Variants in BMPR2 observed in about 807,000 individuals in gnomAD.
BMPR2 encodes bone morphogenetic protein receptor type 2.
A neutral mutation model predicts 100.8 loss-of-function variants in BMPR2; 29 were observed. The observed-to-expected ratio is 0.29, with a 90% CI of 0.21 to 0.39. The LOEUF (loss-of-function observed/expected upper bound fraction) is 0.39. Among genes scored for constraint, BMPR2 ranks in the 10% least tolerant of loss-of-function variants. The probability of loss-of-function intolerance (pLI) is 1.00; values close to 1 mark genes in which losing one functional copy is unlikely to be tolerated. For missense variants in BMPR2, 1,011 were observed against 1,274.5 expected (o/e 0.79, Z 3.15); for synonymous variants, 382 against 442.3 (o/e 0.86, Z 1.71).
chr2:202,544,187 C>CT (rs1688332740), intron 10 of BMPR2, among the ~76,000 whole-genome samples: 2 of 152,024 alleles, frequency 1.3e-5, no homozygotes, highest in African/African-American at 4.8e-5. Context: ...CAAATGATTT[C>CT]TTTTTGGTTT....
rs533387130 is a variant in BMPR2, at chr2:202,498,453, C to T, written c.419-15266C>T. Among the ~76,000 whole-genome samples, 9 of 151,700 alleles carry T rather than the reference C, an allele frequency of 5.9e-5. No individual in the cohort carries two copies. In the East Asian group the frequency reaches 7.8e-4, roughly 13 times the overall value. On this transcript the variant is annotated intron_variant, in intron 3 of 12. Transcript: ENST00000374580. ...TTGTTTCTGCTGCTGCATTGGTGAG[C>T]GCAACTATTCCGATCAGCAGGGTCC... is the stretch of plus-strand genomic sequence containing the variant.
chr2:202,433,007 T>C (rs964286399), intron 1 of BMPR2, among the ~76,000 whole-genome samples: 3 of 150,476 alleles, frequency 2.0e-5, no homozygotes, highest in African/African-American at 7.5e-5. Flanking sequence ...TATTTAAGAG[T>C]GTTGCCTTGC....
intron 3 of BMPR2, among the ~76,000 whole-genome samples, chr2:202,498,026 C>G (rs1693079682): frequency 6.6e-6 from 1 of 151,952 alleles, no homozygotes; most frequent in African/African-American, 2.4e-5. Flanking sequence ...CCTTCCTATT[C>G]ATATAAGTGA....
intron 9 of BMPR2, among the ~76,000 whole-genome samples, chr2:202,538,175 C>T (rs936334801): frequency 6.6e-6 from 1 of 151,720 alleles, no homozygotes; most frequent in Admixed American, 6.6e-5. Context: ...AGAGGTTGGC[C>T]GGGCACGGTG....
At chr2:202,386,116 G>A (rs1339484209) in intron 1 of BMPR2, among the ~76,000 whole-genome samples, 1 of 151,968 alleles carries the variant, frequency 6.6e-6, no homozygotes, top group African/African-American at 2.4e-5. Context: ...TGTGTTTCAG[G>A]ATTCAGTCTT....
In BMPR2 at chr2:202,549,980, G is replaced by A. The variant is rs143522608; in HGVS notation, c.1414-2736G>A. On this transcript the variant is annotated intron_variant, in intron 10 of 12. Coordinates refer to ENST00000374580, the MANE Select transcript of BMPR2 (RefSeq NM_001204.7). ...GAGTACAGTGCTGCCATCATAGCTC[G>A]CTACAGCCTTGACCTCCCAGGCTAA... Among the ~76,000 whole-genome samples, 24 of 152,070 alleles carry A rather than the reference G, an allele frequency of 1.6e-4. No individual in the cohort carries two copies. In the East Asian group the frequency reaches 3.9e-3, roughly 25 times the overall value.
In BMPR2 at chr2:202,517,712, A is replaced by G. The variant is rs147438131; in HGVS notation, c.622-1110A>G. Among the ~76,000 whole-genome samples, 110 of 151,598 alleles carry G rather than the reference A, an allele frequency of 7.3e-4. 2 individuals carry two copies. Among genetic ancestry groups the G allele is most frequent in the African/African-American group, 2.5e-3 (104 of 41,320 alleles). ...ATTCACTGGGCTTTCCTCTCTCTGA[A>G]TTTCTCCTTTCTAGGGTTCTCCCCT... On this transcript the variant is annotated intron_variant, in intron 5 of 12. Coordinates refer to ENST00000374580, the MANE Select transcript of BMPR2 (RefSeq NM_001204.7).
rs1688750921 is a variant in BMPR2 at position 202,565,840 on chromosome 2, C to T, written c.*5894C>T. On this transcript the variant is annotated 3_prime_UTR_variant, in exon 13 of 13. Coordinates refer to ENST00000374580, the MANE Select transcript of BMPR2 (RefSeq NM_001204.7). Reference sequence around the variant, plus strand: ...AGGTGACTGATTTAAGTTGAGTGTGCATATAGAGAAAAACCTAGAAATTTA... The same window carrying T: ...AGGTGACTGATTTAAGTTGAGTGTGTATATAGAGAAAAACCTAGAAATTTA... The T allele has an allele frequency of 6.6e-6, 1 of 152,094 alleles. No homozygotes were observed. Among genetic ancestry groups the T allele is most frequent in the African/African-American group, 2.4e-5 (1 of 41,422 alleles). The allele number at this position is 152,094 out of a possible 1,614,324, so 9.4% of individuals were successfully genotyped here. A position where few individuals can be genotyped will look rare whatever the true frequency, so the allele number is the denominator to read the frequency against.
chr2:202,415,536 C>T (rs534976092), intron 1 of BMPR2, among the ~76,000 whole-genome samples: 3 of 152,266 alleles, frequency 2.0e-5, no homozygotes, highest in South Asian at 2.1e-4. Context: ...TTCAAAGCTT[C>T]AAAGGACAAG....
Position 202,433,607 on chromosome 2 carries a change from G to A in BMPR2, c.77-31202G>A, listed in dbSNP as rs1047300733. 2.0e-5 allele frequency among the ~76,000 whole-genome samples: 3 copies of A among 150,664 alleles called. 1 individual carries two copies. Among genetic ancestry groups the A allele is most frequent in the African/African-American group, 5.0e-5 (2 of 40,018 alleles). On this transcript the variant is annotated intron_variant, in intron 1 of 12. Coordinates refer to ENST00000374580, the MANE Select transcript of BMPR2 (RefSeq NM_001204.7). The stretch of plus-strand genomic sequence containing the variant: ...CAGCAGTTTTACAAATGGATAACTC[G>A]TTTTAAAAAAGGACAGGACAGGCCG...
chr2:202,492,700 C>CAAAAAAAA (rs1166246933), intron 3 of BMPR2, among the ~76,000 whole-genome samples: 2 of 52,806 alleles, frequency 3.8e-5, no homozygotes, highest in Non-Finnish European at 6.3e-5. Flanking sequence ...AGCTCTGTCT[C>CAAAAAAAA]AAAAAAAAAA....
intron 1 of BMPR2, among the ~76,000 whole-genome samples, chr2:202,432,108 AACAGTAC>A (rs934137861): frequency 8.0e-5 from 12 of 150,670 alleles, no homozygotes; most frequent in Non-Finnish European, 1.2e-4. Flanking sequence ...TATGAAGCAA[AACAGTAC>A]AGCAGATTTT....
intron 3 of BMPR2, among the ~76,000 whole-genome samples, chr2:202,488,075 C>CCATT (rs1692817141): frequency 6.6e-6 from 1 of 152,194 alleles, no homozygotes; most frequent in Admixed American, 6.5e-5. Flanking sequence ...ATTCATGTAT[C>CCATT]CATTCATTCA....
Position 202,560,270 on chromosome 2 carries a change from T to C in BMPR2, c.*324T>C, listed in dbSNP as rs1414067721. 6.1e-6 allele frequency: 2 copies of C among 327,312 alleles called. No homozygotes were observed. Among genetic ancestry groups the C allele is most frequent in the African/African-American group, 4.3e-5 (2 of 46,688 alleles). The allele number at this position is 327,312 out of a possible 1,614,324, so 20.3% of individuals were successfully genotyped here. The stretch of plus-strand genomic sequence containing the variant: ...TAAGAAAAAAAGCAAAAACAATGTA[T>C]TGCTGATAATCAGTTTGGACCAGTT... On this transcript the variant is annotated 3_prime_UTR_variant, in exon 13 of 13. Coordinates refer to ENST00000374580, the MANE Select transcript of BMPR2 (RefSeq NM_001204.7).
At chr2:202,543,647 A>G (rs2106032286) in intron 10 of BMPR2, among the ~76,000 whole-genome samples, 1 of 152,176 alleles carries the variant, frequency 6.6e-6, no homozygotes, top group East Asian at 1.9e-4. Context: ...TCTTCCAAAG[A>G]TTACCATTAT....
At chr2:202,399,914 C>T (rs533931976) in intron 1 of BMPR2, among the ~76,000 whole-genome samples, 6 of 152,256 alleles carry the variant, frequency 3.9e-5, no homozygotes, top group Admixed American at 2.6e-4. Flanking sequence ...GAGTTCCAGA[C>T]CAATCCGGGG....
intron 7 of BMPR2, among the ~76,000 whole-genome samples, chr2:202,526,727 A>G (rs1477325105): frequency 6.6e-6 from 1 of 152,242 alleles, no homozygotes; most frequent in African/African-American, 2.4e-5. Flanking sequence ...AATGATTGCC[A>G]TCAGATATAA....
intron 10 of BMPR2, among the ~76,000 whole-genome samples, chr2:202,545,644 G>T (rs1001985204): frequency 1.3e-5 from 2 of 152,134 alleles, no homozygotes; most frequent in Non-Finnish European, 2.9e-5. Context: ...ACACATTATA[G>T]TTTCCATACA....
intron 1 of BMPR2, among the ~76,000 whole-genome samples, chr2:202,451,164 A>AGTG (rs1691971035): frequency 6.6e-6 from 1 of 152,240 alleles, no homozygotes; most frequent in Non-Finnish European, 1.5e-5. Context: ...ACAGAATGAC[A>AGTG]GTGAAGGTCT....
Sources: gnomAD v4.1 joint callset for allele counts (sites outside exome capture counted in the v4.1 genomes callset) on GRCh38, gnomAD v4.1.1 for gene constraint, MANE v1.5 for transcripts, NCBI Gene and HGNC (gene_info 2026-07-23, HGNC 2026-07-21) for gene names.